The following ASB2 variants were observed in gnomAD, a reference collection of about 807,000 sequenced individuals.
ASB2 encodes ankyrin repeat and SOCS box containing 2, also known as ankyrin repeat and SOCS box protein 2.
ASB2 carries 58 observed loss-of-function variants against 62.4 expected under a neutral mutation model. That is an observed-to-expected ratio of 0.93 (90% CI 0.75 to 1.16). The LOEUF is 1.16. Among genes scored for constraint, ASB2 ranks in the 50% most tolerant of loss-of-function variants. ASB2 has a pLI of 0.00. For missense variants in ASB2, 928 were observed against 887.9 expected (o/e 1.05, Z -0.57); for synonymous variants, 386 against 385.3 (o/e 1.00, Z -0.02).
Position 93,939,122 on chromosome 14 carries a change from G to T in ASB2, c.1603C>A (p.Pro535Thr). 6.6e-6 allele frequency: 10 copies of T among 1,521,820 alleles called. No individual in the cohort carries two copies. The highest frequency in any genetic ancestry group is 7.1e-6 in the Non-Finnish European group (8 of 1,130,862). 94.3% of individuals were successfully genotyped at this position (1,521,820 alleles called of 1,614,324 possible). A position where few individuals can be genotyped will look rare whatever the true frequency, so the allele number is the denominator to read the frequency against. Residue 535 changes from proline to threonine, a missense_variant, in exon 8 of 10, where the codon CCC (proline) becomes ACC (threonine). Coordinates refer to ENST00000555019, the MANE Select transcript of ASB2 (RefSeq NM_001202429.2). Reference protein sequence around the residue: ...FNDAPAADKEPSVVQFCEFVS... With the variant: ...FNDAPAADKETSVVQFCEFVS... ...GCGCTGCCCACCTGCACCACGCTGGGCTCCTTGTCGGCCGCGGGCGCGTCG... is the reference window on the plus strand; with the variant it reads ...GCGCTGCCCACCTGCACCACGCTGGTCTCCTTGTCGGCCGCGGGCGCGTCG...
chr14:93,943,476 C>T (rs1217773349), intron 7 of ASB2, among the ~76,000 whole-genome samples: 1 of 152,180 alleles, frequency 6.6e-6, no homozygotes, highest in East Asian at 1.9e-4. Flanking sequence ...GAAACCCGGT[C>T]TCTACTAAAA....
chr14:93,945,896 G>C (rs1275788604), intron 7 of ASB2, among the ~76,000 whole-genome samples: 6 of 152,296 alleles, frequency 3.9e-5, no homozygotes, highest in African/African-American at 1.4e-4. Context: ...TCACTCTCCT[G>C]CCTGTCTGGA....
At chr14:93,961,130 C>G (rs1198171703) in intron 2 of ASB2, among the ~76,000 whole-genome samples, 1 of 152,078 alleles carries the variant, frequency 6.6e-6, no homozygotes, top group Non-Finnish European at 1.5e-5. Flanking sequence ...TCAGACAGGG[C>G]CGGGGAGGTC....
chr14:93,938,233 CTTTTTTTTTTTT>C (rs35127276), intron 8 of ASB2, among the ~76,000 whole-genome samples: 1 of 67,586 alleles, frequency 1.5e-5, no homozygotes, highest in Non-Finnish European at 2.6e-5. Flanking sequence ...TAAGTTCTGA[CTTTTTTTTTTTT>C]TTTTTTTTTT....
At chr14:93,945,243 C>G (rs1888679732) in intron 7 of ASB2, among the ~76,000 whole-genome samples, 1 of 152,222 alleles carries the variant, frequency 6.6e-6, no homozygotes, top group Non-Finnish European at 1.5e-5. Context: ...CGTGTGTTCA[C>G]TCTGGATCTC....
chr14:93,934,214 AC>A lies in ASB2; in HGVS notation c.*441del. 2.2e-6 allele frequency: 1 copy of A among 456,546 alleles called. No homozygotes were observed. The highest frequency in any genetic ancestry group is 4.4e-6 in the Non-Finnish European group (1 of 227,354). 28.3% of individuals were successfully genotyped at this position (456,546 alleles called of 1,614,324 possible). On this transcript the variant is annotated 3_prime_UTR_variant, in exon 10 of 10. Transcript: ENST00000555019. ...TTAATACTTAACAAAGCCCTCCAAG[AC>A]CCAGGCTCCCCCTACCCCCTACCTT...
chr14:93,972,863 G>A (rs1889799824), intron 1 of ASB2, among the ~76,000 whole-genome samples: 1 of 152,220 alleles, frequency 6.6e-6, no homozygotes. Context: ...ACAGCTGCTA[G>A]GAGTTTGAGC....
chr14:93,957,281 G>C (rs568329449), intron 2 of ASB2: 1 of 1,127,902 alleles, frequency 8.9e-7, no homozygotes, highest in African/African-American at 1.6e-5. Flanking sequence ...ATCCCTGCGG[G>C]GCTGGATGAG....
intron 1 of ASB2, among the ~76,000 whole-genome samples, chr14:93,975,409 T>C (rs1167378507): frequency 3.9e-5 from 6 of 152,154 alleles, no homozygotes; most frequent in Non-Finnish European, 7.4e-5. Flanking sequence ...GAAATGAAAA[T>C]GATTCTCCAC....
intron 9 of ASB2, among the ~76,000 whole-genome samples, chr14:93,937,366 T>G (rs1405333744): frequency 6.6e-6 from 1 of 152,194 alleles, no homozygotes; most frequent in Non-Finnish European, 1.5e-5. Context: ...TGCCTCTTGG[T>G]GGCCCCAAAT....
At chr14:93,959,582 G>T (rs540376285) in intron 2 of ASB2, among the ~76,000 whole-genome samples, 2 of 152,188 alleles carry the variant, frequency 1.3e-5, no homozygotes, top group African/African-American at 2.4e-5. Flanking sequence ...GCCTGGCCTC[G>T]GCAGGATGTG....
At chr14:93,942,109 T>C in intron 7 of ASB2, 3 of 452,288 alleles carry the variant, frequency 6.6e-6, no homozygotes, top group South Asian at 4.7e-5. Context: ...ACATCATCAC[T>C]CCTCTTCCCA....
chr14:93,955,141 T>C, intron 3 of ASB2: 1 of 456,728 alleles, frequency 2.2e-6, no homozygotes, highest in South Asian at 1.5e-5. Flanking sequence ...AACCACGATG[T>C]CTATGCCTCT....
intron 2 of ASB2, among the ~76,000 whole-genome samples, chr14:93,959,569 G>C (rs912696924): frequency 1.3e-5 from 2 of 152,256 alleles, no homozygotes; most frequent in African/African-American, 4.8e-5. Flanking sequence ...ACAGGCGAGA[G>C]GAGCCTGGCC....
intron 2 of ASB2, among the ~76,000 whole-genome samples, chr14:93,963,517 C>T (rs1430369551): frequency 2.6e-5 from 4 of 152,158 alleles, no homozygotes; most frequent in African/African-American, 4.8e-5. Context: ...AAGGAGGTGT[C>T]GTCTAGATCT....
chr14:93,954,455 T>C lies in ASB2; in HGVS notation c.340A>G (p.Lys114Glu). The C allele has an allele frequency of 6.2e-7, 1 of 1,614,184 alleles. No individual in the cohort carries two copies. Among genetic ancestry groups the C allele is most frequent in the Non-Finnish European group, 8.5e-7 (1 of 1,180,002 alleles). The change falls in exon 4 of 10, where the codon AAG (lysine) becomes GAG (glutamate). Residue 114 changes from lysine (K) to glutamate (E), a missense_variant. Lys to Glu is a moderately conservative substitution (Grantham distance 56). Transcript: ENST00000555019. ...APADPLIKAIKDGDEEALKTM... is the reference protein window; with the variant it reads ...APADPLIKAIEDGDEEALKTM... ...TTCAAGGCCTCTTCATCGCCATCCT[T>C]GATGGCCTTTATCAAGGGGTCCGCA...
intron 9 of ASB2, 55 bp from the exon 10 acceptor site, chr14:93,934,847 GA>G: frequency 6.8e-7 from 1 of 1,479,920 alleles, no homozygotes; most frequent in Non-Finnish European, 9.4e-7. Context: ...TAAGCAAAGG[GA>G]TTGCATCTGT....
At chr14:93,961,243 G>A (rs1263161340) in intron 2 of ASB2, among the ~76,000 whole-genome samples, 2 of 152,236 alleles carry the variant, frequency 1.3e-5, no homozygotes, top group Non-Finnish European at 2.9e-5. Context: ...TGTTGTTGCT[G>A]TTATAAAGAT....
chr14:93,962,350 G>T (rs960877750), intron 2 of ASB2, among the ~76,000 whole-genome samples: 1 of 152,088 alleles, frequency 6.6e-6, no homozygotes, highest in African/African-American at 2.4e-5. Context: ...TCCCGACCTC[G>T]TGATCCGCCT....
Sources: gnomAD v4.1 joint callset for allele counts (sites outside exome capture counted in the v4.1 genomes callset) on GRCh38, gnomAD v4.1.1 for gene constraint, MANE v1.5 for transcripts, NCBI Gene and HGNC (gene_info 2026-07-23, HGNC 2026-07-21) for gene names.